SPAG16: variants seen among roughly 807,000 people sequenced by gnomAD.
SPAG16 encodes the protein sperm associated antigen 16, also known as sperm-associated antigen 16 protein.
SPAG16 carries 86 observed loss-of-function variants against 80.4 expected under a neutral mutation model. The observed-to-expected ratio is 1.07, with a 90% CI of 0.90 to 1.28. The LOEUF (loss-of-function observed/expected upper bound fraction) is 1.28, where lower values mean the gene tolerates loss of function less well. SPAG16 is among the 50% of genes most tolerant of loss of function. SPAG16 has a pLI of 0.00. For synonymous variants in SPAG16, 294 were observed against 265.9 expected, an observed-to-expected ratio of 1.11 and a Z score of -1.03; for missense variants, 870 against 765.3, an observed-to-expected ratio of 1.14 and a Z score of -1.61.
intron 1 of SPAG16, among the ~76,000 whole-genome samples, chr2:213,295,811 A>G (rs1266562923): frequency 2.0e-5 from 3 of 152,150 alleles, no homozygotes; most frequent in African/African-American, 7.2e-5. Context: ...TAGATAGTAA[A>G]CAGTCAAAAG....
intron 15 of SPAG16, among the ~76,000 whole-genome samples, chr2:214,362,450 G>A (rs562742998): frequency 1.3e-5 from 2 of 151,992 alleles, no homozygotes; most frequent in East Asian, 3.9e-4. Context: ...ACGTATATCA[G>A]TATAACTTTA....
intron 10 of SPAG16, among the ~76,000 whole-genome samples, chr2:213,830,693 C>T (rs1043589727): frequency 6.6e-6 from 1 of 152,114 alleles, no homozygotes; most frequent in African/African-American, 2.4e-5. Context: ...TCCACATTTA[C>T]ACCAACTACT....
At chr2:213,596,178 A>G (rs918273443) in intron 10 of SPAG16, among the ~76,000 whole-genome samples, 1 of 152,108 alleles carries the variant, frequency 6.6e-6, no homozygotes, top group Non-Finnish European at 1.5e-5. Context: ...ACATTTCTCT[A>G]TGGGGAATAA....
intron 9 of SPAG16, among the ~76,000 whole-genome samples, chr2:213,461,553 A>G (rs2072364133): frequency 6.6e-6 from 1 of 152,218 alleles, no homozygotes; most frequent in Non-Finnish European, 1.5e-5. Context: ...GAAACTTATA[A>G]TAAGAAAGAA....
At chr2:213,860,186 C>T (rs1021181468) in intron 10 of SPAG16, among the ~76,000 whole-genome samples, 2 of 151,924 alleles carry the variant, frequency 1.3e-5, no homozygotes, top group East Asian at 1.9e-4. Flanking sequence ...TTTGCTGATG[C>T]ACTTATTCCA....
intron 15 of SPAG16, among the ~76,000 whole-genome samples, chr2:214,261,652 CAA>C (rs1412882923): frequency 6.6e-6 from 1 of 152,092 alleles, no homozygotes; most frequent in African/African-American, 2.4e-5. Context: ...ATAAAAGTAA[CAA>C]TATGTATTTT....
chr2:214,126,853 C>G (rs1233327789), intron 14 of SPAG16, among the ~76,000 whole-genome samples: 1 of 151,652 alleles, frequency 6.6e-6, no homozygotes, highest in East Asian at 1.9e-4. Flanking sequence ...TGTTTTATTT[C>G]TCTATGGTGT....
chr2:213,426,754 GGTGTGTGTGTGTGT>G (rs148203065), intron 9 of SPAG16, among the ~76,000 whole-genome samples: 5 of 140,542 alleles, frequency 3.6e-5, no homozygotes, highest in South Asian at 2.3e-4. Flanking sequence ...GCATAAATCT[GGTGTGTGTGTGTGT>G]GTGTGTGTGT....
chr2:213,792,817 G>A (rs370118899), intron 10 of SPAG16, among the ~76,000 whole-genome samples: 1 of 151,904 alleles, frequency 6.6e-6, no homozygotes, highest in African/African-American at 2.4e-5. Flanking sequence ...CCTCCATCTT[G>A]CCAGTGCTTC....
chr2:214,281,220 A>C, intron 15 of SPAG16: 1 of 328,888 alleles, frequency 3.0e-6, no homozygotes, highest in Non-Finnish European at 6.0e-6. Flanking sequence ...TTGGCAGTTC[A>C]TGTGCATATG....
intron 9 of SPAG16, chr2:213,422,437 T>C (rs1297325468): frequency 1.6e-6 from 1 of 619,716 alleles, no homozygotes; most frequent in Admixed American, 2.4e-5. Flanking sequence ...TCTCACTTGC[T>C]CACACACCCC....
At chr2:213,548,633 C>G (rs1409545207) in intron 10 of SPAG16, among the ~76,000 whole-genome samples, 1 of 152,112 alleles carries the variant, frequency 6.6e-6, no homozygotes. Context: ...ATTTTAAAAG[C>G]TACTATTTGT....
intron 10 of SPAG16, among the ~76,000 whole-genome samples, chr2:213,825,343 A>G (rs989386730): frequency 6.6e-6 from 1 of 152,110 alleles, no homozygotes; most frequent in Non-Finnish European, 1.5e-5. Context: ...CTCATTTAGT[A>G]TACTACTAGC....
intron 10 of SPAG16, among the ~76,000 whole-genome samples, chr2:213,860,460 C>CATATATCTATATATATAT (rs1559529508): frequency 9.9e-5 from 13 of 131,596 alleles, no homozygotes; most frequent in African/African-American, 3.5e-4. Flanking sequence ...TATATATATA[C>CATATATCTATATATATAT]AGATATATCT....
chr2:214,181,009 T>A (rs1000190289), intron 15 of SPAG16, among the ~76,000 whole-genome samples: 4 of 151,784 alleles, frequency 2.6e-5, no homozygotes, highest in Non-Finnish European at 1.5e-5. Flanking sequence ...TAAAGATAGT[T>A]ATTATGTACC....
intron 10 of SPAG16, among the ~76,000 whole-genome samples, chr2:213,717,725 A>G (rs1355155331): frequency 6.6e-6 from 1 of 152,178 alleles, no homozygotes; most frequent in Non-Finnish European, 1.5e-5. Flanking sequence ...TATAATATGT[A>G]GTATTATCCC....
intron 10 of SPAG16, among the ~76,000 whole-genome samples, chr2:213,767,407 C>A (rs1271184161): frequency 6.6e-6 from 1 of 152,040 alleles, no homozygotes; most frequent in Non-Finnish European, 1.5e-5. Context: ...GTGGCTCACA[C>A]CTGTAATCCT....
chr2:214,377,959 C>T (rs189943138), intron 15 of SPAG16, among the ~76,000 whole-genome samples: 9 of 152,194 alleles, frequency 5.9e-5, no homozygotes, highest in Admixed American at 5.2e-4. Flanking sequence ...TGTGGATTAT[C>T]CAGGTTGGTC....
At chr2:213,712,723 T>C (rs1482973624) in intron 10 of SPAG16, among the ~76,000 whole-genome samples, 1 of 152,160 alleles carries the variant, frequency 6.6e-6, no homozygotes, top group Non-Finnish European at 1.5e-5. Context: ...TACTGAGAAC[T>C]TACTTGAGTC....
Sources: allele counts gnomAD v4.1 joint callset (sites outside exome capture counted in the v4.1 genomes callset), GRCh38; gene constraint gnomAD v4.1.1; transcripts MANE v1.5; gene names NCBI Gene and HGNC (gene_info 2026-07-23, HGNC 2026-07-21).